Variants in DOCK5 observed in about 807,000 individuals in gnomAD.
DOCK5 encodes the protein dedicator of cytokinesis 5, also known as dedicator of cytokinesis protein 5.
A neutral mutation model predicts 251.8 loss-of-function variants in DOCK5; 142 were observed. The ratio of observed to expected loss-of-function variants is 0.56; its 90% CI spans 0.49 to 0.65. The LOEUF is 0.65. DOCK5 is among the 30% of genes least tolerant of loss of function. The pLI, the probability that DOCK5 is intolerant of heterozygous loss-of-function variation, is 0.00. For synonymous variants in DOCK5, 842 were observed against 835.5 expected (o/e 1.01, Z -0.13); for missense variants, 2,111 against 2,312.3 (o/e 0.91, Z 1.79).
intron 31 of DOCK5, 63 bp downstream of exon 31, chr8:25,367,033 A>C: frequency 7.1e-7 from 1 of 1,406,698 alleles, no homozygotes; most frequent in Non-Finnish European, 1.0e-6. Flanking sequence ...CATTGAGAGC[A>C]ATATTTTAGG....
intron 1 of DOCK5, among the ~76,000 whole-genome samples, chr8:25,227,520 T>C (rs1007615203): frequency 6.6e-6 from 1 of 152,238 alleles, no homozygotes; most frequent in Non-Finnish European, 1.5e-5. Context: ...CAGTGCTAGA[T>C]TGCTTTGGGT....
At chr8:25,345,775 C>A (rs1800355031) in intron 26 of DOCK5, among the ~76,000 whole-genome samples, 164 bp downstream of exon 26, 2 of 152,094 alleles carry the variant, frequency 1.3e-5, no homozygotes, top group Non-Finnish European at 2.9e-5. Flanking sequence ...GCCTCCAGTG[C>A]AAAGTCAGAT....
At chr8:25,260,018 G>A (rs1355788210) in intron 2 of DOCK5, among the ~76,000 whole-genome samples, 3 of 152,196 alleles carry the variant, frequency 2.0e-5, no homozygotes, top group African/African-American at 4.8e-5. Flanking sequence ...TCAGGAAGGC[G>A]GTGAGTGTGC....
intron 21 of DOCK5, among the ~76,000 whole-genome samples, chr8:25,335,318 C>T (rs1328037128): frequency 6.6e-6 from 1 of 152,098 alleles, no homozygotes; most frequent in African/African-American, 2.4e-5. Flanking sequence ...TGTGATCATA[C>T]CGAGCCAAAT....
At chr8:25,213,137 G>A (rs1418318395) in intron 1 of DOCK5, among the ~76,000 whole-genome samples, 1 of 151,510 alleles carries the variant, frequency 6.6e-6, no homozygotes, top group Non-Finnish European at 1.5e-5. Context: ...TTAAACCTTG[G>A]GCTCAGTGGG....
intron 30 of DOCK5, 50 bp from the exon 31 acceptor site, chr8:25,366,820 A>G (rs768458318): frequency 1.4e-6 from 2 of 1,446,624 alleles, no homozygotes; most frequent in African/African-American, 1.4e-5. Context: ...TATGGCCCTT[A>G]TTAATGTTAT....
At chr8:25,241,958 A>G (rs935400761) in intron 1 of DOCK5, among the ~76,000 whole-genome samples, 3 of 150,746 alleles carry the variant, frequency 2.0e-5, no homozygotes, top group Non-Finnish European at 4.4e-5. Flanking sequence ...AACAATGAGA[A>G]CACAAGGACA....
chr8:25,230,491 C>T (rs552511909), intron 1 of DOCK5, among the ~76,000 whole-genome samples: 1 of 152,312 alleles, frequency 6.6e-6, no homozygotes, highest in Admixed American at 6.5e-5. Flanking sequence ...TCCTCTCCTG[C>T]ATACATATAT....
chr8:25,354,442 G>A (rs926288355), intron 27 of DOCK5, among the ~76,000 whole-genome samples: 1 of 152,160 alleles, frequency 6.6e-6, no homozygotes, highest in African/African-American at 2.4e-5. Context: ...ATTGCATGTT[G>A]TCTCCCTTGT....
intron 1 of DOCK5, among the ~76,000 whole-genome samples, chr8:25,228,913 T>C (rs1802597124): frequency 6.6e-6 from 1 of 152,102 alleles, no homozygotes; most frequent in Admixed American, 6.6e-5. Flanking sequence ...ATTTTCTTGG[T>C]TCTTCTTTCA....
chr8:25,196,761 G>T (rs1282184135), intron 1 of DOCK5, among the ~76,000 whole-genome samples: 2 of 152,086 alleles, frequency 1.3e-5, no homozygotes, highest in Non-Finnish European at 2.9e-5. Context: ...AGTATTCAAT[G>T]CAATGACGTT....
intron 28 of DOCK5, among the ~76,000 whole-genome samples, chr8:25,360,269 C>G (rs149253635): frequency 6.6e-6 from 1 of 152,338 alleles, no homozygotes; most frequent in East Asian, 1.9e-4. Context: ...TTAGTTGGTT[C>G]CATGGTGGAC....
intron 24 of DOCK5, 63 bp downstream of exon 24, chr8:25,341,872 G>C (rs1385202988): frequency 7.5e-7 from 1 of 1,335,498 alleles, no homozygotes; most frequent in Non-Finnish European, 1.0e-6. Flanking sequence ...TGCTTGGCTG[G>C]AGCCTGGGCT....
At chr8:25,298,470 G>T (rs954603662) in intron 7 of DOCK5, among the ~76,000 whole-genome samples, 2 of 152,128 alleles carry the variant, frequency 1.3e-5, no homozygotes, top group African/African-American at 4.8e-5. Flanking sequence ...CCCTGAACAG[G>T]ACAGTCTTGA....
At chr8:25,224,123 T>C (rs1021982680) in intron 1 of DOCK5, among the ~76,000 whole-genome samples, 1 of 152,188 alleles carries the variant, frequency 6.6e-6, no homozygotes, top group Non-Finnish European at 1.5e-5. Context: ...TTTTGTTTTT[T>C]GTTTTCTTTT....
At chr8:25,355,786 G>T (rs1346088318) in intron 27 of DOCK5, among the ~76,000 whole-genome samples, 1 of 152,126 alleles carries the variant, frequency 6.6e-6, no homozygotes, top group East Asian at 1.9e-4. Flanking sequence ...TTTAATGCCT[G>T]TTCTTTAACA....
rs1461193958 is a variant in DOCK5, at chr8:25,403,628, C to G, written c.4997C>G (p.Thr1666Ser). The G allele has an allele frequency of 2.5e-6, 4 of 1,614,024 alleles. No individual in the cohort carries two copies. The highest frequency in any genetic ancestry group is 1.3e-5 in the African/African-American group (1 of 75,050). ...GTGCTCCCCTACATCATGTCTTCCA[C>G]TCTGCGGAGGTTGTCCATCACCTCA... is the stretch of plus-strand genomic sequence containing the variant. ...SIVLPYIMSS[T>S]LRRLSITSVT... The change falls in exon 48 of 52, where the codon ACT becomes AGT. Residue 1666 changes from threonine (T) to serine (S), a missense_variant. Transcript: ENST00000276440.
chr8:25,206,939 C>A (rs995419028), intron 1 of DOCK5, among the ~76,000 whole-genome samples: 3 of 152,164 alleles, frequency 2.0e-5, no homozygotes, highest in African/African-American at 7.2e-5. Flanking sequence ...GAGAGGGGAG[C>A]AGATGTGGAG....
chr8:25,327,310 A>G (rs975601160), intron 18 of DOCK5, among the ~76,000 whole-genome samples: 1 of 152,196 alleles, frequency 6.6e-6, no homozygotes, highest in Non-Finnish European at 1.5e-5. Flanking sequence ...TTAACTATGA[A>G]ATGTCAAAAT....
Sources: allele counts gnomAD v4.1 joint callset (sites outside exome capture counted in the v4.1 genomes callset), GRCh38; gene constraint gnomAD v4.1.1; transcripts MANE v1.5; gene names NCBI Gene and HGNC (gene_info 2026-07-23, HGNC 2026-07-21).